Variants in ZFP64 observed in about 807,000 individuals in gnomAD.
The protein encoded by ZFP64 is zinc finger protein 64.
ZFP64 carries 14 observed loss-of-function variants against 51.6 expected under a neutral mutation model. That is an observed-to-expected ratio of 0.27 (90% confidence interval 0.18 to 0.42). ZFP64 has a LOEUF of 0.42. ZFP64 is among the 10% of genes least tolerant of loss of function. The pLI is 1.00. For synonymous variants in ZFP64, 375 were observed against 361.4 expected (o/e 1.04, Z -0.43); for missense variants, 754 against 906.8 (o/e 0.83, Z 2.16).
intron 5 of ZFP64, among the ~76,000 whole-genome samples, chr20:52,158,888 T>C (rs1981544092): frequency 1.3e-5 from 2 of 151,790 alleles, no homozygotes; most frequent in African/African-American, 4.8e-5. Flanking sequence ...AAGCAAAGAG[T>C]TGAAATGGGC....
chr20:52,111,961 T>C (rs146613005), intron 5 of ZFP64, among the ~76,000 whole-genome samples: 3 of 151,776 alleles, frequency 2.0e-5, no homozygotes, highest in African/African-American at 7.3e-5. Context: ...TGGGCACCTG[T>C]AATTCAGCTA....
chr20:52,146,264 A>G (rs980863651), intron 5 of ZFP64, among the ~76,000 whole-genome samples: 3 of 152,198 alleles, frequency 2.0e-5, no homozygotes, highest in African/African-American at 7.2e-5. Flanking sequence ...ATGCTGCTAT[A>G]AAGACACATG....
At chr20:52,087,300 G>A (rs2078874917) in intron 8 of ZFP64, among the ~76,000 whole-genome samples, 1 of 151,714 alleles carries the variant, frequency 6.6e-6, no homozygotes, top group South Asian at 2.1e-4. Flanking sequence ...TTTCTTCCTA[G>A]ACCTGGTCAG....
At chr20:52,091,308 G>A (rs1256923206) in intron 7 of ZFP64, among the ~76,000 whole-genome samples, 1 of 151,978 alleles carries the variant, frequency 6.6e-6, no homozygotes, top group Non-Finnish European at 1.5e-5. Flanking sequence ...GACCAGCCTG[G>A]GCAACACAGG....
intron 5 of ZFP64, chr20:52,105,064 C>G: frequency 1.4e-6 from 2 of 1,394,424 alleles, no homozygotes; most frequent in South Asian, 1.6e-5. Flanking sequence ...CTCGTACCCG[C>G]GCGGGTCCGG....
chr20:52,188,308 CTTTTTTTT>C (rs1164512289), intron 1 of ZFP64, among the ~76,000 whole-genome samples: 1 of 104,224 alleles, frequency 9.6e-6, no homozygotes, highest in Non-Finnish European at 2.0e-5. Flanking sequence ...CTTTTTCTTT[CTTTTTTTT>C]TTTTTTTTTT....
chr20:52,153,466 G>T lies in ZFP64; in HGVS notation c.764-38C>A. ...GGTGAGTTTCGATAAGAACAGGCAG[G>T]CAACAACCACAGCGGATCCCCCCGA... On this transcript the variant is annotated intron_variant, in intron 5 of 5. Transcript: ENST00000216923. This position sits in a 1 kb window ranked among gnomAD's most constrained non-coding sequence, Gnocchi z 5.1. The T allele has an allele frequency of 6.3e-7, 1 of 1,590,544 alleles. No homozygotes were observed. The highest frequency in any genetic ancestry group is 1.2e-5 in the South Asian group (1 of 86,750).
chr20:52,181,096 C>T (rs541038177), intron 2 of ZFP64, among the ~76,000 whole-genome samples: 1 of 152,202 alleles, frequency 6.6e-6, no homozygotes, highest in South Asian at 2.1e-4. Flanking sequence ...GCACCTGCCA[C>T]CATGCCCGGC....
At chr20:52,084,962 G>A (rs1327908143) in exon 9 of ZFP64, 1 of 1,613,892 alleles carries the variant, frequency 6.2e-7, no homozygotes, top group South Asian at 1.1e-5. Flanking sequence ...TGCTGTGCAC[G>A]CGCAGGGCGG....
intron 7 of ZFP64, among the ~76,000 whole-genome samples, chr20:52,095,114 C>CT (rs2078974484): frequency 6.6e-6 from 1 of 152,250 alleles, no homozygotes; most frequent in Admixed American, 6.5e-5. Flanking sequence ...GAATCCCTGC[C>CT]TCCCACTTAC....
chr20:52,146,764 T>C (rs187264477), downstream of ZFP64, among the ~76,000 whole-genome samples: 5 of 152,192 alleles, frequency 3.3e-5, no homozygotes, highest in Admixed American at 3.3e-4. Context: ...ATTATTCTTA[T>C]GAGATCACCA....
At chr20:52,177,787 CTT>C (rs1983339318) in intron 2 of ZFP64, among the ~76,000 whole-genome samples, 1 of 152,172 alleles carries the variant, frequency 6.6e-6, no homozygotes, top group African/African-American at 2.4e-5. Flanking sequence ...AATCCCAACA[CTT>C]TGGGAGGCTG....
intron 5 of ZFP64, among the ~76,000 whole-genome samples, chr20:52,112,110 A>C (rs554555158): frequency 0.053 from 7,809 of 148,334 alleles, 269 homozygotes; most frequent in Admixed American, 0.11. Flanking sequence ...ACAAAAAAAA[A>C]ACAAGAATCC....
intron 5 of ZFP64, among the ~76,000 whole-genome samples, chr20:52,112,090 A>AC (rs1555881068): frequency 7.2e-6 from 1 of 138,228 alleles, no homozygotes; most frequent in Non-Finnish European, 1.6e-5. Context: ...TCCAAAAAAA[A>AC]AAAAAAAAAA....
downstream of ZFP64, among the ~76,000 whole-genome samples, chr20:52,150,161 C>A (rs929197120): frequency 2.7e-5 from 4 of 149,430 alleles, no homozygotes; most frequent in African/African-American, 9.9e-5. Context: ...GCTGAGATTG[C>A]GCCACTGCAC....
chr20:52,135,557 G>T (rs34248912), intron 5 of ZFP64, among the ~76,000 whole-genome samples: 8,308 of 152,150 alleles, frequency 0.055, 318 homozygotes, highest in Non-Finnish European at 0.09. Flanking sequence ...ATGGCTTACG[G>T]CTCACTGCAG....
At chr20:52,174,439 C>T (rs547393539) in intron 2 of ZFP64, among the ~76,000 whole-genome samples, 10 of 139,278 alleles carry the variant, frequency 7.2e-5, no homozygotes, top group South Asian at 4.5e-4. Context: ...GCCAAGATCG[C>T]GTCATTGCGC....
At chr20:52,170,047 C>G (rs927512863) in intron 2 of ZFP64, among the ~76,000 whole-genome samples, 2 of 151,414 alleles carry the variant, frequency 1.3e-5, no homozygotes, top group African/African-American at 2.4e-5. Context: ...GAGCAAAATT[C>G]CGTCTCAAAA....
At chr20:52,119,269 C>T (rs796466306) in intron 5 of ZFP64, among the ~76,000 whole-genome samples, 19 of 151,916 alleles carry the variant, frequency 1.3e-4, no homozygotes, top group African/African-American at 4.6e-4. Context: ...GTAATCCCAG[C>T]ACTTTGGGAG....
Sources: allele counts gnomAD v4.1 joint callset (sites outside exome capture counted in the v4.1 genomes callset), GRCh38; gene constraint gnomAD v4.1.1; non-coding constraint Gnocchi (gnomAD v3.1); transcripts MANE v1.5; gene names NCBI Gene and HGNC (gene_info 2026-07-23, HGNC 2026-07-21).